CASP5: variants seen among roughly 807,000 people sequenced by gnomAD.
CASP5 encodes caspase-5.
In CASP5, 42 loss-of-function variants were observed where a neutral mutation model predicts 45.2. The observed-to-expected ratio is 0.93, with a 90% confidence interval of 0.73 to 1.20. The LOEUF (loss-of-function observed/expected upper bound fraction) is 1.20, where lower values mean the gene tolerates loss of function less well. Ranked by LOEUF, CASP5 falls within the 50% of genes most tolerant of loss-of-function variation. The pLI, the probability that CASP5 is intolerant of heterozygous loss-of-function variation, is 0.00. For missense variants in CASP5, 512 were observed against 532.2 expected (o/e 0.96, Z 0.37); for synonymous variants, 209 against 186.2 (o/e 1.12, Z -1.00).
intron 2 of CASP5, 146 bp from the exon 3 acceptor site, chr11:105,007,480 T>C (rs78238547): frequency 1.3e-6 from 1 of 751,560 alleles, no homozygotes; most frequent in Non-Finnish European, 2.1e-6. Flanking sequence ...CATCTTTTTT[T>C]GCAACTGCAG....
rs1426434001 is a variant in CASP5 at position 105,008,801 on chromosome 11, T to G, written c.181+6A>C. On this transcript the variant is annotated splice_donor_region_variant and intron_variant, in intron 2 of 9. Coordinates refer to ENST00000260315, the MANE Select transcript of CASP5 (RefSeq NM_004347.5). ...GAAATATCCATTGTAAAATATCCAG[T>G]CTTACTTTTTACACTGGTCGACTTT... The G allele has an allele frequency of 6.3e-7, 1 of 1,590,466 alleles. No individual in the cohort carries two copies. Among genetic ancestry groups the G allele is most frequent in the Admixed American group, 1.7e-5 (1 of 59,080 alleles).
chr11:105,005,629 C>T (rs1013581266), intron 3 of CASP5, among the ~76,000 whole-genome samples: 3 of 152,078 alleles, frequency 2.0e-5, no homozygotes, highest in Non-Finnish European at 2.9e-5. Flanking sequence ...GTGCAGAGAG[C>T]CACTGGACCC....
chr11:104,998,852 C>T, intron 7 of CASP5, 33 bp downstream of exon 7: 1 of 1,603,408 alleles, frequency 6.2e-7, no homozygotes, highest in East Asian at 2.2e-5. Context: ...CTCAGCACCC[C>T]CAAATTTTTG....
At chr11:105,023,066 A>G in intron 1 of CASP5, 64 bp downstream of exon 1, 1 of 1,487,298 alleles carries the variant, frequency 6.7e-7, no homozygotes, top group East Asian at 2.5e-5. Flanking sequence ...TCACATAGCA[A>G]TAAATCAAGA....
At chr11:104,995,594 A>T in intron 9 of CASP5, 146 bp downstream of exon 9, 1 of 515,310 alleles carries the variant, frequency 1.9e-6, no homozygotes, top group Non-Finnish European at 3.5e-6. Context: ...AGTAGAATAA[A>T]AAAGAGCAAA....
Position 105,019,759 on chromosome 11 carries a change from C to T in CASP5, c.7+3371G>A, listed in dbSNP as rs1196444714. Among the ~76,000 whole-genome samples the T allele has an allele frequency of 9.7e-5, 14 of 144,810 alleles. 1 individual carries two copies. The highest frequency in any genetic ancestry group is 8.1e-4 in the Admixed American group (11 of 13,662). ...GGAACTGGTACCATTCCTTCTGAAA[C>T]TATTCCAATCAATAGAAAAAGAGGG... On this transcript the variant is annotated intron_variant, in intron 1 of 9. Transcript: ENST00000260315.
At chr11:105,015,232 C>T (rs1334563722) in intron 1 of CASP5, among the ~76,000 whole-genome samples, 2 of 152,174 alleles carry the variant, frequency 1.3e-5, no homozygotes, top group Admixed American at 6.5e-5. Flanking sequence ...ATTTCGTAGT[C>T]CTTTTCTAGA....
chr11:105,009,647 T>C (rs1343165676), intron 1 of CASP5, among the ~76,000 whole-genome samples: 1 of 145,622 alleles, frequency 6.9e-6, no homozygotes, highest in East Asian at 2.0e-4. Flanking sequence ...TATGGTAGAT[T>C]AATATAATAC....
chr11:105,005,870 TG>T, intron 3 of CASP5, among the ~76,000 whole-genome samples: 1 of 152,314 alleles, frequency 6.6e-6, no homozygotes, highest in Admixed American at 6.5e-5. Flanking sequence ...GGAAAATACT[TG>T]CAAAAGACCA....
intron 1 of CASP5, among the ~76,000 whole-genome samples, chr11:105,019,612 G>T (rs570031598): frequency 6.7e-6 from 1 of 148,774 alleles, no homozygotes; most frequent in South Asian, 2.1e-4. Context: ...CCAGGAAGAA[G>T]TTGAATCTCT....
intron 1 of CASP5, among the ~76,000 whole-genome samples, chr11:105,013,068 CAACAGT>C (rs1862431095): frequency 6.6e-6 from 1 of 151,818 alleles, no homozygotes; most frequent in African/African-American, 2.4e-5. Context: ...TATCATAATG[CAACAGT>C]ATTCAGCTTT....
chr11:105,012,964 A>G (rs932559957), intron 1 of CASP5, among the ~76,000 whole-genome samples: 6 of 152,068 alleles, frequency 3.9e-5, no homozygotes, highest in Non-Finnish European at 8.8e-5. Context: ...TTGAAAAGAC[A>G]TATACACTTC....
At chr11:105,006,025 TG>T (rs1402667300) in intron 3 of CASP5, among the ~76,000 whole-genome samples, 2 of 152,204 alleles carry the variant, frequency 1.3e-5, no homozygotes, top group Non-Finnish European at 2.9e-5. Flanking sequence ...TGTTGCTTTA[TG>T]TTCATGATCG....
intron 1 of CASP5, among the ~76,000 whole-genome samples, chr11:105,017,813 A>G (rs888609393): frequency 1.4e-4 from 22 of 152,042 alleles, no homozygotes; most frequent in African/African-American, 5.1e-4. Flanking sequence ...GAATGCCACA[A>G]AGATACTCCT....
At chr11:104,996,149 A>T (rs1310805840) in intron 8 of CASP5, among the ~76,000 whole-genome samples, 11 of 152,176 alleles carry the variant, frequency 7.2e-5, no homozygotes, top group Non-Finnish European at 4.4e-5. Context: ...GGATATGCTC[A>T]TGAGAACTGG....
intron 6 of CASP5, 145 bp from the exon 7 acceptor site, chr11:104,999,173 T>C (rs1288916543): frequency 1.5e-6 from 1 of 653,488 alleles, no homozygotes; most frequent in African/African-American, 1.8e-5. Flanking sequence ...CCACATGCAT[T>C]AAGTATTTGT....
At chr11:105,009,549 C>T (rs374656378) in intron 1 of CASP5, among the ~76,000 whole-genome samples, 1 of 151,012 alleles carries the variant, frequency 6.6e-6, no homozygotes, top group East Asian at 1.9e-4. Flanking sequence ...CCAACTTAAT[C>T]ATTAAGTGGA....
At chr11:105,017,657 G>A (rs1196802375) in intron 1 of CASP5, among the ~76,000 whole-genome samples, 3 of 152,050 alleles carry the variant, frequency 2.0e-5, no homozygotes, top group Non-Finnish European at 2.9e-5. Flanking sequence ...GGGACTATGT[G>A]AAAAGACCAA....
chr11:105,007,350 A>T lies in CASP5; in HGVS notation c.182-16T>A. On this transcript the variant is annotated splice_polypyrimidine_tract_variant and intron_variant, in intron 2 of 9. Coordinates refer to ENST00000260315, the MANE Select transcript of CASP5 (RefSeq NM_004347.5). ...TGGTTGTCTTCTGTCAGAAATAGAA[A>T]GACTCCTTTAACTATGGGCACAGCT... is the stretch of plus-strand genomic sequence containing the variant. 1 of 1,588,952 alleles carries T rather than the reference A, an allele frequency of 6.3e-7. No homozygotes were observed. Among genetic ancestry groups the T allele is most frequent in the East Asian group, 2.2e-5 (1 of 44,794 alleles).
Sources: allele counts gnomAD v4.1 joint callset (sites outside exome capture counted in the v4.1 genomes callset), GRCh38; gene constraint gnomAD v4.1.1; transcripts MANE v1.5; gene names NCBI Gene and HGNC (gene_info 2026-07-23, HGNC 2026-07-21).